KHDRBS2: variants seen among roughly 807,000 people sequenced by gnomAD.
The protein encoded by KHDRBS2 is KH RNA binding domain containing, signal transduction associated 2, also known as KH domain-containing, RNA-binding, signal transduction-associated protein 2.
In KHDRBS2, 26 loss-of-function variants were observed where a neutral mutation model predicts 44.3. The ratio of observed to expected loss-of-function variants is 0.59; its 90% CI spans 0.43 to 0.81. KHDRBS2 has a LOEUF of 0.81. KHDRBS2 is among the 40% of genes least tolerant of loss of function. KHDRBS2 has a pLI of 0.00. For synonymous variants in KHDRBS2, 194 were observed against 151.1 expected (o/e 1.28, Z -2.08); for missense variants, 476 against 433.1 (o/e 1.10, Z -0.88).
chr6:61,837,537 C>T (rs374007110), intron 6 of KHDRBS2, among the ~76,000 whole-genome samples: 58 of 152,120 alleles, frequency 3.8e-4, no homozygotes, highest in African/African-American at 1.3e-3. Flanking sequence ...GGCAATAATG[C>T]TGCCTTACTT....
chr6:62,107,966 C>T (rs1190327608), intron 2 of KHDRBS2, among the ~76,000 whole-genome samples: 20 of 151,908 alleles, frequency 1.3e-4, no homozygotes, highest in African/African-American at 3.9e-4. Flanking sequence ...AAGACTTAAA[C>T]GTTAGACCTA....
chr6:62,162,183 G>T (rs1817794794), intron 2 of KHDRBS2, among the ~76,000 whole-genome samples: 1 of 151,848 alleles, frequency 6.6e-6, no homozygotes, highest in Non-Finnish European at 1.5e-5. Context: ...AGATCTTTAT[G>T]TCTTCATCTG....
chr6:61,660,606 C>A, the KHDRBS2 span, among the ~76,000 whole-genome samples: 10 of 151,708 alleles, frequency 6.6e-5, no homozygotes, highest in Admixed American at 6.6e-4. Context: ...ATCAGCCATA[C>A]GTTTATTTCT....
At chr6:61,701,439 A>T (rs571248559) in intron 7 of KHDRBS2, among the ~76,000 whole-genome samples, 78 of 151,938 alleles carry the variant, frequency 5.1e-4, no homozygotes, top group Admixed American at 4.6e-4. Context: ...ATGTCCTCAC[A>T]TCTTTCCATT....
intron 2 of KHDRBS2, among the ~76,000 whole-genome samples, chr6:62,169,177 A>ATG (rs1208468831): frequency 3.7e-5 from 5 of 136,078 alleles, no homozygotes; most frequent in Admixed American, 2.9e-4. Context: ...ATATGTATAT[A>ATG]TGTATATATA....
chr6:62,120,688 G>A (rs1266645202), intron 2 of KHDRBS2, among the ~76,000 whole-genome samples: 2 of 152,156 alleles, frequency 1.3e-5, no homozygotes, highest in Non-Finnish European at 2.9e-5. Flanking sequence ...ATTTGTAGAA[G>A]TAGAAAACTT....
At chr6:61,968,332 A>C (rs1770575448) in intron 4 of KHDRBS2, among the ~76,000 whole-genome samples, 1 of 151,904 alleles carries the variant, frequency 6.6e-6, no homozygotes, top group Non-Finnish European at 1.5e-5. Context: ...CCAACATATG[A>C]TATGTTCATG....
chr6:61,549,445 T>C, the KHDRBS2 span, among the ~76,000 whole-genome samples: 1 of 152,178 alleles, frequency 6.6e-6, no homozygotes, highest in Non-Finnish European at 1.5e-5. Context: ...TGTATTAAGT[T>C]GCTTATGAAT....
chr6:61,572,183 A>G, the KHDRBS2 span, among the ~76,000 whole-genome samples: 81 of 152,252 alleles, frequency 5.3e-4, no homozygotes, highest in African/African-American at 1.9e-3. Context: ...CAAGGCTACT[A>G]CAAACACCTT....
intron 4 of KHDRBS2, among the ~76,000 whole-genome samples, chr6:61,901,994 C>T (rs895167339): frequency 1.8e-4 from 28 of 152,054 alleles, no homozygotes; most frequent in African/African-American, 5.8e-4. Context: ...CAGTCTCTGT[C>T]GCCCACGCTG....
chr6:61,944,851 G>A (rs928291682), intron 4 of KHDRBS2, among the ~76,000 whole-genome samples: 2 of 151,656 alleles, frequency 1.3e-5, no homozygotes, highest in African/African-American at 4.8e-5. Context: ...AGCACTTTGG[G>A]AGGCAGAGAC....
In KHDRBS2 at chr6:61,789,936, T is replaced by C. The variant is rs547944398; in HGVS notation, c.811-57172A>G. On this transcript the variant is annotated intron_variant, in intron 6 of 8. Coordinates refer to ENST00000281156, the MANE Select transcript of KHDRBS2 (RefSeq NM_152688.4). The stretch of plus-strand genomic sequence containing the variant: ...AATTATTAATTAGGAATTGCAAAAT[T>C]CCATGAGATGATTATTATAATGCTA... 1.5e-4 allele frequency among the ~76,000 whole-genome samples: 23 copies of C among 151,546 alleles called. No homozygotes were observed. In the South Asian group the frequency reaches 1.9e-3, roughly 12 times the overall value.
At chr6:62,170,093 G>A (rs1258901566) in intron 2 of KHDRBS2, among the ~76,000 whole-genome samples, 2 of 151,924 alleles carry the variant, frequency 1.3e-5, no homozygotes, top group Admixed American at 6.6e-5. Context: ...TCTTACTTCT[G>A]TCCAAAATCT....
intron 6 of KHDRBS2, among the ~76,000 whole-genome samples, chr6:61,835,732 T>C (rs1290855994): frequency 1.3e-5 from 2 of 151,438 alleles, no homozygotes; most frequent in African/African-American, 4.9e-5. Context: ...TGTGTGTGTG[T>C]GTGTGTGCAT....
intron 3 of KHDRBS2, among the ~76,000 whole-genome samples, chr6:62,034,706 A>C (rs1028891655): frequency 2.6e-5 from 4 of 151,272 alleles, no homozygotes; most frequent in East Asian, 3.9e-4. Context: ...AAAAAAAAAA[A>C]AAAAAAAAAA....
chr6:62,271,454 T>C (rs1321315737), intron 1 of KHDRBS2, among the ~76,000 whole-genome samples: 1 of 152,226 alleles, frequency 6.6e-6, no homozygotes, highest in Non-Finnish European at 1.5e-5. Flanking sequence ...GTATGTATTA[T>C]ACAATACTTT....
At chr6:61,868,508 G>C (rs1403663317) in intron 6 of KHDRBS2, among the ~76,000 whole-genome samples, 2 of 152,218 alleles carry the variant, frequency 1.3e-5, no homozygotes, top group African/African-American at 2.4e-5. Flanking sequence ...ATACGGGCAA[G>C]GGTGGCTGGA....
intron 2 of KHDRBS2, among the ~76,000 whole-genome samples, chr6:62,169,123 ATATACATATACACACATATATGTG>A (rs1819360299): frequency 7.3e-6 from 1 of 137,784 alleles, no homozygotes; most frequent in South Asian, 2.2e-4. Flanking sequence ...ATGTGTGTAT[ATATACATATACACACATATATGTG>A]TGTATATATA....
At chr6:61,687,189 C>T (rs189969193) in intron 8 of KHDRBS2, among the ~76,000 whole-genome samples, 3 of 151,840 alleles carry the variant, frequency 2.0e-5, no homozygotes, top group Admixed American at 6.6e-5. Flanking sequence ...GAACATGGTG[C>T]ATTATGTTCC....
Sources: allele counts gnomAD v4.1 joint callset (sites outside exome capture counted in the v4.1 genomes callset), GRCh38; gene constraint gnomAD v4.1.1; transcripts MANE v1.5; gene names NCBI Gene and HGNC (gene_info 2026-07-23, HGNC 2026-07-21).